QSER1: variants seen among roughly 807,000 people sequenced by gnomAD.
QSER1 encodes the protein glutamine and serine-rich protein 1.
Under a neutral mutation model 158.5 loss-of-function variants are expected in QSER1, and 49 were observed. The ratio of observed to expected loss-of-function variants is 0.31; its 90% CI spans 0.25 to 0.39. The LOEUF (loss-of-function observed/expected upper bound fraction) is 0.39. QSER1 is among the 10% of genes least tolerant of loss of function. The probability of loss-of-function intolerance (pLI) is 1.00; values close to 1 mark genes in which losing one functional copy is unlikely to be tolerated. For missense variants in QSER1, 1,754 were observed against 2,010.3 expected (o/e 0.87, Z 2.44); for synonymous variants, 650 against 715.5 (o/e 0.91, Z 1.46).
rs567199029 is a variant in QSER1 at position 32,907,249 on chromosome 11, A to G, written c.209+13915A>G. 1.2e-4 allele frequency among the ~76,000 whole-genome samples: 19 copies of G among 152,326 alleles called. 1 individual carries two copies. The South Asian group carries it at 3.7e-3, about 30-fold the overall frequency. On this transcript the variant is annotated intron_variant, in intron 1 of 12. Transcript: ENST00000650167. ...GCACATTGAGTATAAAATGAGTAATACAATTTTGGATTTTGATTCATCTGA... is the reference window on the plus strand; with the variant it reads ...GCACATTGAGTATAAAATGAGTAATGCAATTTTGGATTTTGATTCATCTGA...
chr11:32,962,994 C>G (rs1852653792), intron 8 of QSER1, among the ~76,000 whole-genome samples: 1 of 152,148 alleles, frequency 6.6e-6, no homozygotes, highest in African/African-American at 2.4e-5. Context: ...ACTCACACAA[C>G]TGTATGGGTG....
intron 11 of QSER1, among the ~76,000 whole-genome samples, chr11:32,974,574 A>C (rs1852937157): frequency 6.6e-6 from 1 of 152,250 alleles, no homozygotes; most frequent in African/African-American, 2.4e-5. Context: ...GTAATGTCAT[A>C]CTACGTGCTT....
chr11:32,894,707 C>T (rs935559273), intron 1 of QSER1, among the ~76,000 whole-genome samples: 2 of 152,052 alleles, frequency 1.3e-5, no homozygotes, highest in Non-Finnish European at 2.9e-5. Context: ...AATTTTAGGC[C>T]CTTTGTTTTC....
Position 32,979,750 on chromosome 11 carries a change from T to G in QSER1, c.*3276T>G, listed in dbSNP as rs1171710640. Reference sequence around the variant, plus strand: ...TTTTCCTTTTAATATACATATTTATTTTCTTTAAAGCAGCTATATCCCAAC... The same window carrying G: ...TTTTCCTTTTAATATACATATTTATGTTCTTTAAAGCAGCTATATCCCAAC... On this transcript the variant is annotated 3_prime_UTR_variant, in exon 13 of 13. Transcript: ENST00000650167. The G allele has an allele frequency of 6.6e-6, 1 of 152,324 alleles. No individual in the cohort carries two copies. 9.4% of individuals were successfully genotyped at this position (152,324 alleles called of 1,614,324 possible).
chr11:32,937,360 T>C (rs1459430459), intron 4 of QSER1, among the ~76,000 whole-genome samples: 1 of 152,088 alleles, frequency 6.6e-6, no homozygotes, highest in African/African-American at 2.4e-5. Context: ...TCTTGGCACA[T>C]TGAAACCTCA....
At chr11:32,915,998 T>C (rs1851825960) in intron 1 of QSER1, among the ~76,000 whole-genome samples, 1 of 151,094 alleles carries the variant, frequency 6.6e-6, no homozygotes, top group Admixed American at 6.6e-5. Flanking sequence ...AACTCCTGGG[T>C]TCAAGCAGTT....
chr11:32,968,365 T>C (rs999202304), intron 9 of QSER1, among the ~76,000 whole-genome samples: 4 of 152,152 alleles, frequency 2.6e-5, no homozygotes, highest in Admixed American at 2.6e-4. Context: ...AATCTAATAA[T>C]CTAAAATGTT....
chr11:32,895,171 A>G (rs568004523), intron 1 of QSER1, among the ~76,000 whole-genome samples: 1 of 152,370 alleles, frequency 6.6e-6, no homozygotes, highest in African/African-American at 2.4e-5. Context: ...AACAGTAAGT[A>G]GATTCACTTG....
At chr11:32,973,802 G>A (rs940881656) in intron 11 of QSER1, among the ~76,000 whole-genome samples, 1 of 151,978 alleles carries the variant, frequency 6.6e-6, no homozygotes, top group Non-Finnish European at 1.5e-5. Context: ...AAATCATCTC[G>A]TGCTCATGTT....
intron 8 of QSER1, among the ~76,000 whole-genome samples, chr11:32,964,733 TATATATACACACAC>T (rs1384991980): frequency 1.7e-5 from 2 of 115,282 alleles, no homozygotes; most frequent in African/African-American, 3.2e-5. Context: ...TATATATATA[TATATATACACACAC>T]ACACACACAC....
chr11:32,903,595 T>A (rs1018483999), intron 1 of QSER1, among the ~76,000 whole-genome samples: 1 of 151,134 alleles, frequency 6.6e-6, no homozygotes, highest in African/African-American at 2.5e-5. Flanking sequence ...AGTAAGTTTT[T>A]TATTTGTTTG....
intron 1 of QSER1, among the ~76,000 whole-genome samples, chr11:32,911,598 C>CA (rs1453377828): frequency 2.0e-5 from 3 of 152,082 alleles, no homozygotes; most frequent in African/African-American, 7.2e-5. Flanking sequence ...GGGTGGTTTC[C>CA]ACCATGCTGT....
intron 1 of QSER1, among the ~76,000 whole-genome samples, chr11:32,906,188 T>A (rs1851690593): frequency 6.6e-6 from 1 of 150,686 alleles, no homozygotes; most frequent in Non-Finnish European, 1.5e-5. Flanking sequence ...TTTGGGAGGC[T>A]GAGGCGGGTG....
At chr11:32,900,498 GCA>G (rs1452493828) in intron 1 of QSER1, among the ~76,000 whole-genome samples, 1 of 151,916 alleles carries the variant, frequency 6.6e-6, no homozygotes, top group African/African-American at 2.4e-5. Flanking sequence ...GGCGGAGACT[GCA>G]GTGAGCTGAG....
chr11:32,929,032 T>C (rs1852011064), intron 3 of QSER1, among the ~76,000 whole-genome samples: 1 of 152,118 alleles, frequency 6.6e-6, no homozygotes, highest in Non-Finnish European at 1.5e-5. Context: ...CAAAAGAAAA[T>C]CTGTTAATAT....
Position 32,958,037 on chromosome 11 carries a change from C to A in QSER1, c.4920C>A (p.Ser1640=), listed in dbSNP as rs1361782801. ...RKKWKEEFSS[S]QSDSSPEIHT... ...AATGGAAAGAAGAATTTTCATCATC[C>A]CAATCTGACTCATCTCCTGAGATCC... Residue 1640 remains serine (S), a synonymous_variant, in exon 8 of 13, where the codon TCC becomes TCA. Coordinates refer to ENST00000650167, the MANE Select transcript of QSER1 (RefSeq NM_001076786.3). 6.2e-7 allele frequency: 1 copy of A among 1,614,068 alleles called. No homozygotes were observed.
chr11:32,897,617 T>G (rs991276803), intron 1 of QSER1, among the ~76,000 whole-genome samples: 3 of 152,174 alleles, frequency 2.0e-5, no homozygotes, highest in Non-Finnish European at 2.9e-5. Flanking sequence ...GGCTTGGGAT[T>G]GATAAATTTC....
In QSER1 at chr11:32,954,191, G is replaced by T; in HGVS notation, c.4500+12G>T. The stretch of plus-strand genomic sequence containing the variant: ...TAGAGACTTTTAAGGTGATGTCAGT[G>T]TTCACCAGTGTAAAGGTCATAGTTT... On this transcript the variant is annotated intron_variant, in intron 5 of 12. Coordinates refer to ENST00000650167, the MANE Select transcript of QSER1 (RefSeq NM_001076786.3). The T allele has an allele frequency of 6.2e-7, 1 of 1,605,966 alleles. No homozygotes were observed.
chr11:32,959,190 C>T (rs775724965), intron 8 of QSER1, among the ~76,000 whole-genome samples: 31 of 152,228 alleles, frequency 2.0e-4, no homozygotes, highest in South Asian at 2.1e-4. Context: ...GGAACACAGC[C>T]GCATAGATTC....
Sources: allele counts gnomAD v4.1 joint callset (sites outside exome capture counted in the v4.1 genomes callset), GRCh38; gene constraint gnomAD v4.1.1; transcripts MANE v1.5; gene names NCBI Gene and HGNC (gene_info 2026-07-23, HGNC 2026-07-21).